Variants in ZGRF1 observed in about 807,000 individuals in gnomAD.
ZGRF1 encodes the protein zinc finger GRF-type containing 1.
A neutral mutation model predicts 203.5 loss-of-function variants in ZGRF1; 196 were observed. The observed-to-expected ratio is 0.96, with a 90% CI of 0.86 to 1.08. The LOEUF is 1.08. Among genes scored for constraint, ZGRF1 ranks in the 50% least tolerant of loss-of-function variants. The probability of loss-of-function intolerance (pLI) is 0.00; values close to 1 mark genes in which losing one functional copy is unlikely to be tolerated. For synonymous variants in ZGRF1, 809 were observed against 841.3 expected (o/e 0.96, Z 0.66); for missense variants, 2,326 against 2,416.3 (o/e 0.96, Z 0.78).
intron 9 of ZGRF1, among the ~76,000 whole-genome samples, chr4:112,605,166 C>CT (rs1417241500): frequency 0.045 from 6,495 of 145,740 alleles, 345 homozygotes; most frequent in African/African-American, 0.12. Context: ...ACCTCCCCCA[C>CT]TTTTTTTTTT....
chr4:112,556,578 C>T (rs927467513), intron 20 of ZGRF1, among the ~76,000 whole-genome samples: 8 of 151,910 alleles, frequency 5.3e-5, no homozygotes, highest in Admixed American at 3.9e-4. Flanking sequence ...TTGGTAGAGA[C>T]GGGGATTTGC....
chr4:112,563,510 A>C (rs1371696137), intron 16 of ZGRF1, among the ~76,000 whole-genome samples: 1 of 152,202 alleles, frequency 6.6e-6, no homozygotes, highest in African/African-American at 2.4e-5. Context: ...TACCACTTGA[A>C]TCACACAGAA....
intron 10 of ZGRF1, among the ~76,000 whole-genome samples, chr4:112,601,932 T>A (rs138682463): frequency 6.6e-6 from 1 of 152,210 alleles, no homozygotes; most frequent in African/African-American, 2.4e-5. Context: ...AGGCCAGGCA[T>A]GGTGGCTCAC....
chr4:112,608,824 T>A (rs1751149900), intron 8 of ZGRF1, among the ~76,000 whole-genome samples: 1 of 152,168 alleles, frequency 6.6e-6, no homozygotes, highest in South Asian at 2.1e-4. Context: ...AACAGAGCTA[T>A]AGGGATAATT....
intron 9 of ZGRF1, chr4:112,605,421 A>G (rs1180287503): frequency 6.6e-6 from 1 of 152,340 alleles, no homozygotes; most frequent in African/African-American, 2.4e-5. Flanking sequence ...TTGGCCTCCC[A>G]AAGTACTGGG....
intron 3 of ZGRF1, among the ~76,000 whole-genome samples, chr4:112,630,431 T>A (rs1029267592): frequency 6.6e-6 from 1 of 151,872 alleles, no homozygotes; most frequent in Non-Finnish European, 1.5e-5. Flanking sequence ...GGCAGGAGAA[T>A]CACCTGAACC....
At chr4:112,583,224 T>C (rs754902221) in intron 15 of ZGRF1, among the ~76,000 whole-genome samples, 1 of 152,156 alleles carries the variant, frequency 6.6e-6, no homozygotes, top group Non-Finnish European at 1.5e-5. Flanking sequence ...ACCATGCAAA[T>C]AGTCATTATA....
rs1747854078 is a variant in ZGRF1, at chr4:112,589,850, A to G, written c.3001T>C (p.Ser1001Pro). 1.2e-6 allele frequency: 2 copies of G among 1,605,598 alleles called. No individual in the cohort carries two copies. The highest frequency in any genetic ancestry group is 1.7e-6 in the Non-Finnish European group (2 of 1,177,204). ...LQVTSPEENISTLSPVSTFSL... is the reference protein window; with the variant it reads ...LQVTSPEENIPTLSPVSTFSL... ...AAGGTAGAAACAGGGCTCAATGTAG[A>G]GATGTTTTCTTCTGGTGATGTCACC... Residue 1001 changes from serine (S) to proline (P), a missense_variant, in exon 11 of 28, where the codon TCT (serine) becomes CCT (proline). Transcript: ENST00000505019.
chr4:112,584,221 T>C (rs763737112), intron 14 of ZGRF1, 47 bp from the exon 15 acceptor site: 7 of 1,324,510 alleles, frequency 5.3e-6, no homozygotes, highest in African/African-American at 3.0e-5. Flanking sequence ...AAAATGCTTT[T>C]ATTTTTCGAT....
At chr4:112,629,517 A>G (rs2047340883) in intron 3 of ZGRF1, among the ~76,000 whole-genome samples, 1 of 151,832 alleles carries the variant, frequency 6.6e-6, no homozygotes, top group Non-Finnish European at 1.5e-5. Context: ...CAAAAAATGT[A>G]AAAATTGCCA....
rs200111452 is a variant in ZGRF1, at chr4:112,619,599, G to A, written c.443C>T (p.Pro148Leu). Reference protein sequence around the residue: ...AASHEAKKTGPTIFSPFCSMP... With the variant: ...AASHEAKKTGLTIFSPFCSMP... ...GCTGCAGAATGGAGAAAAAATAGTA[G>A]GGCCAGTTTTCTTAGCCTCATGTGA... The change falls in exon 6 of 28, where the codon CCT becomes CTT. Residue 148 changes from proline to leucine, a missense_variant. Transcript: ENST00000505019. 9 of 1,613,752 alleles carry A rather than the reference G, an allele frequency of 5.6e-6. No homozygotes were observed. The highest frequency in any genetic ancestry group is 1.6e-4 in the Middle Eastern group (1 of 6,082).
At chr4:112,559,731 T>C (rs1343695519) in intron 19 of ZGRF1, among the ~76,000 whole-genome samples, 1 of 152,058 alleles carries the variant, frequency 6.6e-6, no homozygotes, top group Non-Finnish European at 1.5e-5. Context: ...TTTTGCAGAG[T>C]AGGAAATTAA....
chr4:112,613,779 T>G (rs1250559696), intron 6 of ZGRF1, among the ~76,000 whole-genome samples: 2 of 152,026 alleles, frequency 1.3e-5, no homozygotes, highest in Non-Finnish European at 2.9e-5. Context: ...AAATAGAAAT[T>G]TTTTTTCTTA....
chr4:112,629,220 T>A (rs1023109803), intron 3 of ZGRF1, among the ~76,000 whole-genome samples: 2 of 152,252 alleles, frequency 1.3e-5, no homozygotes, highest in African/African-American at 4.8e-5. Context: ...GGTAACAAGT[T>A]TTTTACTCAA....
chr4:112,618,899 C>T lies in ZGRF1; in HGVS notation c.1143G>A (p.Glu381=). 6.2e-7 allele frequency: 1 copy of T among 1,613,812 alleles called. No homozygotes were observed. Among genetic ancestry groups the T allele is most frequent in the Non-Finnish European group, 8.5e-7 (1 of 1,179,868 alleles). ...IIQFVETYAE[E]RKKYNVDQSV... Reference sequence around the variant, plus strand: ...ACTGGTCTACATTATACTTTTTCCTCTCTTCAGCATACGTTTCAACGAACT... The same window carrying T: ...ACTGGTCTACATTATACTTTTTCCTTTCTTCAGCATACGTTTCAACGAACT... The change falls in exon 6 of 28, where the codon GAG becomes GAA. Residue 381 remains glutamate (E), a synonymous_variant. Coordinates refer to ENST00000505019, the MANE Select transcript of ZGRF1 (RefSeq NM_018392.5).
intron 9 of ZGRF1, among the ~76,000 whole-genome samples, chr4:112,604,721 A>G (rs1359652058): frequency 6.6e-6 from 1 of 152,192 alleles, no homozygotes; most frequent in African/African-American, 2.4e-5. Context: ...ATTCCAATGT[A>G]GACATGTTCC....
At chr4:112,590,513 A>ATC (rs1297457628) in intron 10 of ZGRF1, among the ~76,000 whole-genome samples, 6 of 152,204 alleles carry the variant, frequency 3.9e-5, no homozygotes, top group Non-Finnish European at 5.9e-5. Flanking sequence ...CCAAATTGTT[A>ATC]GAGTGGCTTT....
At chr4:112,589,625 G>C in intron 11 of ZGRF1, 99 bp downstream of exon 11, 1 of 1,099,888 alleles carries the variant, frequency 9.1e-7, no homozygotes. Context: ...ATATGACACT[G>C]AATCTGGTTC....
chr4:112,609,655 A>C (rs1751289195), intron 7 of ZGRF1, among the ~76,000 whole-genome samples: 1 of 151,790 alleles, frequency 6.6e-6, no homozygotes, highest in African/African-American at 2.4e-5. Flanking sequence ...AAAAATACAA[A>C]AACTAGCCGG....
Sources: allele counts gnomAD v4.1 joint callset (sites outside exome capture counted in the v4.1 genomes callset), GRCh38; gene constraint gnomAD v4.1.1; transcripts MANE v1.5; gene names NCBI Gene and HGNC (gene_info 2026-07-23, HGNC 2026-07-21).